The following SV2C variants were observed in gnomAD, a reference collection of about 807,000 sequenced individuals.
The protein encoded by SV2C is solute carrier family 22 member B3.
In SV2C, 49 loss-of-function variants were observed where a neutral mutation model predicts 79.7. That is an observed-to-expected ratio of 0.61 (90% confidence interval 0.49 to 0.78). The LOEUF (loss-of-function observed/expected upper bound fraction) is 0.78, where lower values mean the gene tolerates loss of function less well. Ranked by LOEUF, SV2C falls within the 30% of genes least tolerant of loss-of-function variation. SV2C has a pLI of 0.00. For synonymous variants in SV2C, 334 were observed against 333.2 expected, an observed-to-expected ratio of 1.00 and a Z score of -0.03; for missense variants, 833 against 912.9, an observed-to-expected ratio of 0.91 and a Z score of 1.13.
chr5:76,015,397 C>A, the SV2C span, among the ~76,000 whole-genome samples: 2 of 152,146 alleles, frequency 1.3e-5, no homozygotes, highest in Non-Finnish European at 2.9e-5. Context: ...CTGATAGATG[C>A]ACTTTGTTAA....
At chr5:76,166,548 T>C (rs1034030847) in intron 2 of SV2C, among the ~76,000 whole-genome samples, 3 of 152,232 alleles carry the variant, frequency 2.0e-5, no homozygotes, top group African/African-American at 7.2e-5. Context: ...TAAAGCTACC[T>C]TTGTAGATGT....
intron 12 of SV2C, chr5:76,311,337 C>T (rs937293334): frequency 6.6e-6 from 1 of 152,272 alleles, no homozygotes; most frequent in Non-Finnish European, 1.5e-5. Flanking sequence ...CTCCCCAAGG[C>T]TCTTAATTCT....
the SV2C span, among the ~76,000 whole-genome samples, chr5:76,041,014 A>C: frequency 2.4e-4 from 36 of 152,234 alleles, 1 homozygote; most frequent in Non-Finnish European, 4.4e-4. Context: ...GTTGTCTGGC[A>C]GAGTAATCAG....
At chr5:76,257,490 G>T (rs1746322891) in intron 4 of SV2C, among the ~76,000 whole-genome samples, 3 of 151,358 alleles carry the variant, frequency 2.0e-5, no homozygotes, top group Admixed American at 1.3e-4. Context: ...GTGTGTGGGA[G>T]TGTCCTGTGT....
At chr5:76,310,529 T>C (rs1472561280) in intron 12 of SV2C, among the ~76,000 whole-genome samples, 1 of 152,154 alleles carries the variant, frequency 6.6e-6, no homozygotes, top group Non-Finnish European at 1.5e-5. Context: ...ATAAAAGGGC[T>C]TTGGTCTTCT....
chr5:75,972,099 G>A, the SV2C span, among the ~76,000 whole-genome samples: 2 of 152,096 alleles, frequency 1.3e-5, no homozygotes, highest in African/African-American at 4.8e-5. Context: ...TTAATAAATG[G>A]TGCTGGGAAA....
At chr5:76,145,350 G>C (rs1470700868) in intron 2 of SV2C, among the ~76,000 whole-genome samples, 3 of 152,210 alleles carry the variant, frequency 2.0e-5, no homozygotes, top group Non-Finnish European at 4.4e-5. Context: ...TTGTTCTTCA[G>C]AGAAGCATTT....
chr5:76,260,587 A>C (rs1746432203), intron 4 of SV2C, among the ~76,000 whole-genome samples: 2 of 152,154 alleles, frequency 1.3e-5, no homozygotes. Context: ...TTTTATGTTT[A>C]AGTCTTTAAT....
intron 2 of SV2C, among the ~76,000 whole-genome samples, chr5:76,155,312 A>G (rs1399408716): frequency 6.6e-6 from 1 of 152,232 alleles, no homozygotes; most frequent in Admixed American, 6.5e-5. Context: ...ATACTTATTC[A>G]GGAAAATCTA....
chr5:76,243,237 ATG>A (rs1215954174), intron 4 of SV2C, among the ~76,000 whole-genome samples: 1 of 152,162 alleles, frequency 6.6e-6, no homozygotes, highest in Non-Finnish European at 1.5e-5. Context: ...ATCAAAAAAA[ATG>A]TATGTTTTCT....
At chr5:75,897,211 G>A in the SV2C span, among the ~76,000 whole-genome samples, 1 of 149,358 alleles carries the variant, frequency 6.7e-6, no homozygotes, top group East Asian at 1.9e-4. Context: ...GGTCTAACAT[G>A]TAAGTCTTTA....
At chr5:76,120,906 T>C (rs901721642) in intron 1 of SV2C, among the ~76,000 whole-genome samples, 1 of 151,234 alleles carries the variant, frequency 6.6e-6, no homozygotes, top group African/African-American at 2.5e-5. Flanking sequence ...CTGGGTCAAA[T>C]GGTATTTCCA....
the SV2C span, among the ~76,000 whole-genome samples, chr5:76,070,142 T>C: frequency 6.6e-6 from 1 of 152,152 alleles, no homozygotes; most frequent in South Asian, 2.1e-4. Context: ...GATGCTAGGC[T>C]TCTCTCATCC....
the SV2C span, among the ~76,000 whole-genome samples, chr5:75,885,970 C>G: frequency 1.2e-3 from 185 of 152,272 alleles, 1 homozygote; most frequent in African/African-American, 4.2e-3. Flanking sequence ...AAGCCTCACT[C>G]AGTTCCGTGG....
chr5:76,074,466 TAGAG>T, the SV2C span, among the ~76,000 whole-genome samples: 1 of 152,264 alleles, frequency 6.6e-6, no homozygotes, highest in East Asian at 1.9e-4. Flanking sequence ...ACAAACAACA[TAGAG>T]AGATTCAGTT....
the SV2C span, among the ~76,000 whole-genome samples, chr5:75,941,162 C>A: frequency 6.6e-6 from 1 of 152,132 alleles, no homozygotes; most frequent in African/African-American, 2.4e-5. Context: ...ATACCAGCTT[C>A]AGTTTTATTA....
chr5:76,091,277 A>C (rs746667968), intron 1 of SV2C, among the ~76,000 whole-genome samples: 14 of 152,222 alleles, frequency 9.2e-5, no homozygotes, highest in Non-Finnish European at 1.6e-4. Flanking sequence ...GAAATTACAG[A>C]CTCACAATAG....
At chr5:75,956,874 G>T in the SV2C span, among the ~76,000 whole-genome samples, 1 of 151,870 alleles carries the variant, frequency 6.6e-6, no homozygotes, top group Non-Finnish European at 1.5e-5. Flanking sequence ...TTTCACATAA[G>T]GTAGCTGTCT....
At chr5:76,111,021 G>A (rs943610751) in intron 1 of SV2C, among the ~76,000 whole-genome samples, 19 of 152,344 alleles carry the variant, frequency 1.2e-4, no homozygotes, top group African/African-American at 4.3e-4. Context: ...TGAGGATCAA[G>A]TGAGACAAAA....
Sources: allele counts gnomAD v4.1 joint callset (sites outside exome capture counted in the v4.1 genomes callset), GRCh38; gene constraint gnomAD v4.1.1; transcripts MANE v1.5; gene names NCBI Gene and HGNC (gene_info 2026-07-23, HGNC 2026-07-21).